CCNK: variants seen among roughly 807,000 people sequenced by gnomAD.
CCNK encodes cyclin-K.
CCNK carries 9 observed loss-of-function variants against 65.0 expected under a neutral mutation model. That is an observed-to-expected ratio of 0.14 (90% CI 0.08 to 0.24). The LOEUF is 0.24. Among genes scored for constraint, CCNK ranks in the 10% least tolerant of loss-of-function variants. The pLI, the probability that CCNK is intolerant of heterozygous loss-of-function variation, is 1.00. For synonymous variants in CCNK, 279 were observed against 270.8 expected (o/e 1.03, Z -0.30); for missense variants, 474 against 720.0 (o/e 0.66, Z 3.91).
At chr14:99,486,703 A>G (rs571660105) in intron 1 of CCNK, among the ~76,000 whole-genome samples, 55 of 152,060 alleles carry the variant, frequency 3.6e-4, no homozygotes, top group Non-Finnish European at 6.9e-4. Flanking sequence ...ATCTTTTTCC[A>G]TTCTTTGCCT....
intron 1 of CCNK, among the ~76,000 whole-genome samples, chr14:99,490,207 A>G (rs1320268589): frequency 2.6e-5 from 4 of 152,196 alleles, no homozygotes; most frequent in Non-Finnish European, 5.9e-5. Context: ...GGACCTCGTG[A>G]CTTGCATCTA....
intron 7 of CCNK, 93 bp downstream of exon 7, chr14:99,502,469 A>G (rs1566751429): frequency 6.0e-6 from 9 of 1,497,586 alleles, no homozygotes; most frequent in Non-Finnish European, 7.1e-6. Context: ...ATTTTCCCAG[A>G]TAGACATATG....
intron 1 of CCNK, among the ~76,000 whole-genome samples, chr14:99,487,496 T>A (rs1375756651): frequency 2.6e-5 from 4 of 152,190 alleles, no homozygotes; most frequent in Non-Finnish European, 5.9e-5. Flanking sequence ...GTCCCAGGTT[T>A]AAAAACCACT....
intron 1 of CCNK, among the ~76,000 whole-genome samples, chr14:99,488,032 T>C (rs1224605631): frequency 3.3e-5 from 5 of 152,146 alleles, no homozygotes; most frequent in African/African-American, 1.2e-4. Context: ...ACATGTTCGT[T>C]TTTTGCCATG....
At chr14:99,501,980 G>C in intron 6 of CCNK, 1 of 411,986 alleles carries the variant, frequency 2.4e-6, no homozygotes, top group East Asian at 4.6e-5. Flanking sequence ...GGATGTGCTA[G>C]AATTCTTCTG....
At position 99,510,192 on chromosome 14, in the gene CCNK, G is replaced by A. The variant is rs1241798953; in HGVS notation, c.1153G>A (p.Ala385Thr). The change falls in exon 11 of 11, where the codon GCT becomes ACT. Residue 385 changes from alanine to threonine, a missense_variant. Physicochemically the swap from Ala to Thr is moderately conservative, Grantham distance 58. Around this residue, in one of 6 missense-constraint regions of CCNK, gnomAD observed 229 missense variants for 275.5 expected, o/e 0.83. Transcript: ENST00000389879. ...KPPLAAALGE[A>T]EPPGPVDATD... ...TCCCCTCGCTGCTGCCTTAGGTGAG[G>A]CTGAGCCGCCGGGCCCTGTGGATGC... is the stretch of plus-strand genomic sequence containing the variant. The A allele has an allele frequency of 6.3e-7, 1 of 1,598,454 alleles. No homozygotes were observed.
At chr14:99,498,807 G>C (rs1312821428) in intron 4 of CCNK, among the ~76,000 whole-genome samples, 3 of 152,194 alleles carry the variant, frequency 2.0e-5, no homozygotes, top group South Asian at 4.1e-4. Context: ...AATAGGGGCT[G>C]AGGGAAGGCG....
chr14:99,485,236 A>C (rs563013919), intron 1 of CCNK, among the ~76,000 whole-genome samples: 48 of 152,344 alleles, frequency 3.2e-4, no homozygotes, highest in African/African-American at 1.2e-3. Flanking sequence ...AAAACAATTG[A>C]ATATACTTAC....
intron 6 of CCNK, 66 bp from the exon 7 acceptor site, chr14:99,502,141 C>T (rs1896846227): frequency 6.8e-7 from 1 of 1,477,166 alleles, no homozygotes. Flanking sequence ...ATGGCATCTC[C>T]ATGCACTGGT....
chr14:99,502,608 T>C, intron 7 of CCNK, 111 bp from the exon 8 acceptor site: 1 of 1,238,722 alleles, frequency 8.1e-7, no homozygotes, highest in Non-Finnish European at 1.1e-6. Flanking sequence ...GAGTTGTAAA[T>C]GTGATTCATG....
Position 99,510,401 on chromosome 14 carries a change from G to C in CCNK, c.1362G>C (p.Glu454Asp). ...YQSLQSMMKT[E>D]GPSYGALPPA... ...GCCTGCAGTCCATGATGAAGACCGA[G>C]GGACCCTCCTACGGTGCCCTGCCCC... Residue 454 changes from glutamate (E) to aspartate (D), a missense_variant, in exon 11 of 11, where the codon GAG becomes GAC. Around this residue, in one of 6 missense-constraint regions of CCNK, gnomAD observed 229 missense variants for 275.5 expected, o/e 0.83. Coordinates refer to ENST00000389879, the MANE Select transcript of CCNK (RefSeq NM_001099402.2). 1 of 1,560,598 alleles carries C rather than the reference G, an allele frequency of 6.4e-7. No homozygotes were observed. Among genetic ancestry groups the C allele is most frequent in the Non-Finnish European group, 8.7e-7 (1 of 1,154,300 alleles).
rs532436153 is a variant in CCNK, at chr14:99,507,111, A to G, written c.1081A>G (p.Thr361Ala). 1.9e-6 allele frequency: 3 copies of G among 1,612,590 alleles called. No homozygotes were observed. The highest frequency in any genetic ancestry group is 2.5e-6 in the Non-Finnish European group (3 of 1,178,772). The change falls in exon 10 of 11, where the codon ACT (threonine) becomes GCT (alanine). Residue 361 changes from threonine (T) to alanine (A), a missense_variant. By Grantham distance (58) the Thr-to-Ala change is moderately conservative (BLOSUM62 0). Transcript: ENST00000389879. Reference protein sequence around the residue: ...PPPKIPKIETTHPPLPPAHPP... With the variant: ...PPPKIPKIETAHPPLPPAHPP... ...ACCTAAAATCCCCAAAATTGAGACC[A>G]CTCATCCACCGTTGCCTCCAGCCCA...
chr14:99,497,604 A>G (rs1312141314), intron 4 of CCNK, among the ~76,000 whole-genome samples: 2 of 152,254 alleles, frequency 1.3e-5, no homozygotes, highest in Non-Finnish European at 2.9e-5. Context: ...AGCTAAAGCG[A>G]TGAAGTTCAG....
intron 1 of CCNK, among the ~76,000 whole-genome samples, chr14:99,490,511 A>G (rs377379945): frequency 6.6e-6 from 1 of 152,240 alleles, no homozygotes; most frequent in African/African-American, 2.4e-5. Flanking sequence ...AAAAGCTTTC[A>G]TAAAAAGGCA....
chr14:99,500,855 T>C lies in CCNK; in HGVS notation c.501T>C (p.Tyr167=), dbSNP rs202052846. The stretch of plus-strand genomic sequence containing the variant: ...ATCCATACCAGTTCCTACTAAAATA[T>C]GCAAAGCAACTCAAAGGTAAGAAGA... ...VEHPYQFLLK[Y]AKQLKGDKNK... Residue 167 remains tyrosine (Y), a synonymous_variant, in exon 5 of 11, where the codon TAT becomes TAC. Transcript: ENST00000389879. 1.0e-5 allele frequency: 16 copies of C among 1,543,836 alleles called. 1 individual carries two copies. In the Middle Eastern group the frequency reaches 5.0e-4, roughly 48 times the overall value.
At chr14:99,509,250 G>T (rs1458204728) in intron 10 of CCNK, 1 of 152,294 alleles carries the variant, frequency 6.6e-6, no homozygotes, top group Non-Finnish European at 1.5e-5. Flanking sequence ...TGTCTCCTGG[G>T]CTGCCTTGGG....
intron 1 of CCNK, among the ~76,000 whole-genome samples, chr14:99,490,683 T>A (rs1595306513): frequency 6.6e-6 from 1 of 152,118 alleles, no homozygotes; most frequent in Non-Finnish European, 1.5e-5. Flanking sequence ...ATTCCAGCAC[T>A]TTGGGAGGCC....
intron 9 of CCNK, chr14:99,506,330 G>A (rs967198085): frequency 6.6e-6 from 1 of 152,268 alleles, no homozygotes; most frequent in Non-Finnish European, 1.5e-5. Flanking sequence ...GAAAAATAGG[G>A]TTCTTTTTCA....
rs1364550302 is a variant in CCNK at position 99,503,806 on chromosome 14, T to A, written c.1045+162T>A. ...CAGCATTGTCTTTCTGTTCATCACC[T>A]GATCATAGATTCTAAAATTGTGCTC... is the stretch of plus-strand genomic sequence containing the variant. On this transcript the variant is annotated intron_variant, in intron 9 of 10. Transcript: ENST00000389879. 8 of 611,562 alleles carry A rather than the reference T, an allele frequency of 1.3e-5. 1 individual carries two copies. Among genetic ancestry groups the A allele is most frequent in the South Asian group, 1.3e-4 (6 of 47,442 alleles). The allele number at this position is 611,562 out of a possible 1,614,324, so 37.9% of individuals were successfully genotyped here. A position where few individuals can be genotyped will look rare whatever the true frequency, so the allele number is the denominator to read the frequency against.
Sources: allele counts gnomAD v4.1 joint callset (sites outside exome capture counted in the v4.1 genomes callset), GRCh38; gene constraint gnomAD v4.1.1; regional missense constraint gnomAD v4.1.1; transcripts MANE v1.5; gene names NCBI Gene and HGNC (gene_info 2026-07-23, HGNC 2026-07-21).